ELAPOR2: variants seen among roughly 807,000 people sequenced by gnomAD.
ELAPOR2 encodes the protein endosome/lysosome-associated apoptosis and autophagy regulator family member 2.
ELAPOR2 carries 89 observed loss-of-function variants against 120.7 expected under a neutral mutation model. That is an observed-to-expected ratio of 0.74 (90% CI 0.62 to 0.88). The LOEUF (loss-of-function observed/expected upper bound fraction) is 0.88. Among genes scored for constraint, ELAPOR2 ranks in the 40% least tolerant of loss-of-function variants. The pLI is 0.00. For synonymous variants in ELAPOR2, 444 were observed against 444.9 expected, an observed-to-expected ratio of 1.00 and a Z score of 0.03; for missense variants, 1,134 against 1,251.6, an observed-to-expected ratio of 0.91 and a Z score of 1.42.
intron 1 of ELAPOR2, among the ~76,000 whole-genome samples, chr7:86,978,313 T>C (rs548788619): frequency 6.6e-6 from 1 of 152,344 alleles, no homozygotes; most frequent in African/African-American, 2.4e-5. Flanking sequence ...CTTTATAAAT[T>C]ACCCAGTCTC....
chr7:86,962,238 C>G (rs1275913077), intron 2 of ELAPOR2, among the ~76,000 whole-genome samples: 1 of 152,082 alleles, frequency 6.6e-6, no homozygotes, highest in Non-Finnish European at 1.5e-5. Context: ...AATCCTTTTC[C>G]TCAGGAAAGG....
chr7:87,052,880 T>A (rs1177371417), intron 1 of ELAPOR2, among the ~76,000 whole-genome samples: 2 of 152,116 alleles, frequency 1.3e-5, no homozygotes, highest in Non-Finnish European at 2.9e-5. Context: ...CCCTGCAGCC[T>A]CAACCTCCCA....
At chr7:86,973,155 G>A (rs1280359193) in intron 1 of ELAPOR2, among the ~76,000 whole-genome samples, 1 of 152,054 alleles carries the variant, frequency 6.6e-6, no homozygotes, top group South Asian at 2.1e-4. Context: ...GTTCTAAATG[G>A]AAGATCTCAT....
intron 3 of ELAPOR2, among the ~76,000 whole-genome samples, chr7:86,946,561 A>G (rs1791017520): frequency 6.6e-6 from 1 of 151,964 alleles, no homozygotes. Flanking sequence ...TAATTTTTGT[A>G]TTTTTAGTAG....
intron 21 of ELAPOR2, among the ~76,000 whole-genome samples, chr7:86,889,118 A>G (rs796505402): frequency 2.4e-4 from 36 of 152,174 alleles, no homozygotes; most frequent in African/African-American, 7.5e-4. Context: ...CAATTACACC[A>G]CCTCAGCCAT....
chr7:87,009,333 A>G (rs1793581924), intron 1 of ELAPOR2, among the ~76,000 whole-genome samples: 1 of 152,228 alleles, frequency 6.6e-6, no homozygotes, highest in African/African-American at 2.4e-5. Context: ...TACATAATAG[A>G]AACAGGGAAT....
At position 86,878,216 on chromosome 7, in the gene ELAPOR2, A is replaced by C. The variant is rs993543857; in HGVS notation, c.*2255T>G. The C allele has an allele frequency of 2.0e-5, 3 of 152,152 alleles. No homozygotes were observed. Among genetic ancestry groups the C allele is most frequent in the Admixed American group, 6.6e-5 (1 of 15,266 alleles). The allele number at this position is 152,152 out of a possible 1,614,324, so 9.4% of individuals were successfully genotyped here. On this transcript the variant is annotated 3_prime_UTR_variant, in exon 22 of 22. Transcript: ENST00000450689. ...GAGCTTTGCAAAGGCCAGGCATAAA[A>C]CTAAAGGAAATTTTATAGCCAGGAT...
chr7:87,058,252 T>C (rs1795323430), intron 1 of ELAPOR2, among the ~76,000 whole-genome samples: 1 of 152,218 alleles, frequency 6.6e-6, no homozygotes, highest in Admixed American at 6.5e-5. Flanking sequence ...ATTCAGAAGT[T>C]AGAGCAACAT....
intron 1 of ELAPOR2, among the ~76,000 whole-genome samples, chr7:86,999,276 G>T (rs1441101518): frequency 6.6e-6 from 1 of 152,082 alleles, no homozygotes. Flanking sequence ...TGATCTGCTA[G>T]AATTTTTTTA....
intron 2 of ELAPOR2, among the ~76,000 whole-genome samples, chr7:86,952,887 G>T (rs1217304299): frequency 6.6e-6 from 1 of 151,994 alleles, no homozygotes; most frequent in East Asian, 1.9e-4. Context: ...TTGAGGTCAG[G>T]AGTTTGAGAC....
chr7:87,014,786 C>T (rs1228852948), intron 1 of ELAPOR2, among the ~76,000 whole-genome samples: 1 of 152,064 alleles, frequency 6.6e-6, no homozygotes, highest in African/African-American at 2.4e-5. Flanking sequence ...CACACTAAAA[C>T]ACTCCATAAA....
intron 8 of ELAPOR2, among the ~76,000 whole-genome samples, chr7:86,927,861 CT>C (rs1790146296): frequency 6.6e-6 from 1 of 151,930 alleles, no homozygotes; most frequent in South Asian, 2.1e-4. Context: ...AACATATAAT[CT>C]GCTAAAAGTA....
intron 2 of ELAPOR2, among the ~76,000 whole-genome samples, chr7:86,956,575 C>T (rs934157679): frequency 6.6e-6 from 1 of 152,158 alleles, no homozygotes; most frequent in Admixed American, 6.5e-5. Context: ...AAAACTGATA[C>T]GTGTGACACC....
chr7:87,038,072 GA>G (rs1465124578), intron 1 of ELAPOR2, among the ~76,000 whole-genome samples: 1 of 152,130 alleles, frequency 6.6e-6, no homozygotes, highest in Non-Finnish European at 1.5e-5. Flanking sequence ...AATGGCAACT[GA>G]AAAAGAAGTA....
rs111673404 is a variant in ELAPOR2, at chr7:87,046,176, C to A, written c.189+13149G>T. Among the ~76,000 whole-genome samples, 1,221 of 152,030 alleles carry A rather than the reference C, an allele frequency of 8.0e-3. 17 individuals carry two copies. Among genetic ancestry groups the A allele is most frequent in the African/African-American group, 0.028 (1,173 of 41,474 alleles). On this transcript the variant is annotated intron_variant, in intron 1 of 21. Coordinates refer to ENST00000450689, the MANE Select transcript of ELAPOR2 (RefSeq NM_001142749.3). Reference sequence around the variant, plus strand: ...TATGTCAACAGTGAACACTCCAAAACAGAAATCAAAAAAAGTAATCTCATT... The same window carrying A: ...TATGTCAACAGTGAACACTCCAAAAAAGAAATCAAAAAAAGTAATCTCATT...
At chr7:86,936,675 C>T (rs1790573177) in intron 8 of ELAPOR2, among the ~76,000 whole-genome samples, 1 of 152,002 alleles carries the variant, frequency 6.6e-6, no homozygotes, top group Admixed American at 6.6e-5. Flanking sequence ...ACACCGCATG[C>T]CTGTGCATAC....
chr7:87,011,081 C>A (rs1793642417), intron 1 of ELAPOR2, among the ~76,000 whole-genome samples: 1 of 151,856 alleles, frequency 6.6e-6, no homozygotes, highest in Non-Finnish European at 1.5e-5. Context: ...TCCTGGCCAA[C>A]ATGGTGAAAC....
chr7:87,003,421 C>A (rs529990332), intron 1 of ELAPOR2, among the ~76,000 whole-genome samples: 2 of 152,136 alleles, frequency 1.3e-5, no homozygotes, highest in Admixed American at 1.3e-4. Flanking sequence ...ATCATGGGGG[C>A]AAATTTCCCC....
chr7:87,050,761 G>A (rs999497376), intron 1 of ELAPOR2, among the ~76,000 whole-genome samples: 1 of 152,138 alleles, frequency 6.6e-6, no homozygotes, highest in Non-Finnish European at 1.5e-5. Flanking sequence ...TGATAGTCCA[G>A]GCAAGATACA....
Sources: allele counts gnomAD v4.1 joint callset (sites outside exome capture counted in the v4.1 genomes callset), GRCh38; gene constraint gnomAD v4.1.1; transcripts MANE v1.5; gene names NCBI Gene and HGNC (gene_info 2026-07-23, HGNC 2026-07-21).